RPS2: variants seen among roughly 807,000 people sequenced by gnomAD.
RPS2 encodes small ribosomal subunit protein uS5.
Under a neutral mutation model 25.3 loss-of-function variants are expected in RPS2, and 8 were observed. That is an observed-to-expected ratio of 0.32 (90% CI 0.19 to 0.57). The LOEUF (loss-of-function observed/expected upper bound fraction) is 0.57. Among genes scored for constraint, RPS2 ranks in the 20% least tolerant of loss-of-function variants. The pLI, the probability that RPS2 is intolerant of heterozygous loss-of-function variation, is 0.90. For synonymous variants in RPS2, 181 were observed against 161.3 expected (o/e 1.12, Z -0.92); for missense variants, 229 against 408.1 (o/e 0.56, Z 3.78).
Position 1,962,894 on chromosome 16 carries a change from C to T in RPS2, c.391G>A (p.Gly131Arg), listed in dbSNP as rs1165095549. ...AGACCGACGTGGCCATTGTAGTCCC[C>T]GATAGCAACAAATGCCTGCGAAAAG... ...RTRFKAFVAIGDYNGHVGLGV... is the reference protein window; with the variant it reads ...RTRFKAFVAIRDYNGHVGLGV... Residue 131 changes from glycine (G) to arginine (R), a missense_variant, in exon 5 of 7, where the codon GGG becomes AGG. Gly to Arg is a moderately radical substitution (Grantham distance 125, BLOSUM62 -2). Coordinates refer to ENST00000343262, the MANE Select transcript of RPS2 (RefSeq NM_002952.4). 1.9e-6 allele frequency: 3 copies of T among 1,600,838 alleles called. No homozygotes were observed. Among genetic ancestry groups the T allele is most frequent in the East Asian group, 2.2e-5 (1 of 44,840 alleles).
chr16:1,963,577 G>C (rs2083277683), intron 3 of RPS2: 2 of 358,324 alleles, frequency 5.6e-6, no homozygotes, highest in Middle Eastern at 1.0e-3. Context: ...GATCACGCCA[G>C]CCTAGGCGAT....
In RPS2 at chr16:1,964,472, C is replaced by G; in HGVS notation, c.154G>C (p.Gly52Arg). The G allele has an allele frequency of 2.5e-6, 4 of 1,609,514 alleles. No individual in the cohort carries two copies. The highest frequency in any genetic ancestry group is 3.4e-6 in the Non-Finnish European group (4 of 1,178,920). Residue 52 changes from glycine (G) to arginine (R), a missense_variant, in exon 2 of 7, where the codon GGA becomes CGA. This residue lies in a region of RPS2 where 70 missense variants were observed against 119.0 expected (regional missense o/e 0.59). Coordinates refer to ENST00000343262, the MANE Select transcript of RPS2 (RefSeq NM_002952.4). ...ACCTCCTTATCCTCGGCCTTGCCTC[C>G]GCGAGCTCCGCGGCCTCGGCCCCGG... The part of the protein sequence containing the change: ...RGRGRGRGAR[G>R]GKAEDKEWMP...
rs146628993 is a variant in RPS2 at position 1,962,895 on chromosome 16, G to A, written c.390C>T (p.Ile130=). 1.4e-5 allele frequency: 23 copies of A among 1,600,796 alleles called. No homozygotes were observed. Among genetic ancestry groups the A allele is most frequent in the African/African-American group, 4.0e-5 (3 of 75,024 alleles). ...GACCGACGTGGCCATTGTAGTCCCCGATAGCAACAAATGCCTGCGAAAAGA... is the reference window on the plus strand; with the variant it reads ...GACCGACGTGGCCATTGTAGTCCCCAATAGCAACAAATGCCTGCGAAAAGA... ...QRTRFKAFVA[I]GDYNGHVGLG... Residue 130 remains isoleucine (I), a synonymous_variant, in exon 5 of 7, where the codon ATC becomes ATT. Coordinates refer to ENST00000343262, the MANE Select transcript of RPS2 (RefSeq NM_002952.4).
At chr16:1,963,690 T>C in intron 3 of RPS2, 1 of 403,118 alleles carries the variant, frequency 2.5e-6, no homozygotes, top group South Asian at 1.7e-5. Flanking sequence ...GTTTCGTTTT[T>C]GGAAGCTTGT....
intron 3 of RPS2, 104 bp downstream of exon 3, chr16:1,964,172 G>C (rs753041277): frequency 1.2e-4 from 104 of 852,336 alleles, no homozygotes; most frequent in Non-Finnish European, 1.9e-4. Context: ...CACGCGAGAC[G>C]CTGGGCCCTT....
chr16:1,963,101 G>T (rs765852789), intron 4 of RPS2, 48 bp downstream of exon 4: 5 of 1,474,404 alleles, frequency 3.4e-6, no homozygotes, highest in Admixed American at 3.3e-5. Context: ...GCAGAGCCGA[G>T]AGAGTCCCGG....
intron 4 of RPS2, 23 bp from the exon 5 acceptor site, chr16:1,962,932 C>T: frequency 6.3e-7 from 1 of 1,597,396 alleles, no homozygotes; most frequent in Non-Finnish European, 8.5e-7. Flanking sequence ...GTGTGTGAGG[C>T]AGCTGGTGGC....
chr16:1,964,820 AAAG>A lies in RPS2; in HGVS notation c.-20_-18del, dbSNP rs1189197866. 5.6e-6 allele frequency: 3 copies of A among 536,928 alleles called. No homozygotes were observed. Among genetic ancestry groups the A allele is most frequent in the Non-Finnish European group, 9.7e-6 (3 of 308,962 alleles). 33.3% of individuals were successfully genotyped at this position (536,928 alleles called of 1,614,324 possible). A position where few individuals can be genotyped will look rare whatever the true frequency, so the allele number is the denominator to read the frequency against. On this transcript the variant is annotated 5_prime_UTR_variant, in exon 1 of 7. Coordinates refer to ENST00000343262, the MANE Select transcript of RPS2 (RefSeq NM_002952.4). ...AACAGGACTCACGTGTTTTGTCGGA[AAAG>A]AAGAACGAGACCTACTGGGAAGCAG... is the stretch of plus-strand genomic sequence containing the variant.
Position 1,962,853 on chromosome 16 carries a change from G to A in RPS2, c.432C>T (p.Ser144=), listed in dbSNP as rs746594185. The change falls in exon 5 of 7, where the codon TCC becomes TCT. Residue 144 remains serine, a synonymous_variant. Transcript: ENST00000343262. ...CACGGATGGCGGTGGCCACCTCCTT[G>A]GAGCACTTAACACCCAGACCGACGT... The part of the protein sequence containing the change: ...NGHVGLGVKC[S]KEVATAIRGA... The A allele has an allele frequency of 4.9e-5, 78 of 1,604,930 alleles. No individual in the cohort carries two copies. Among genetic ancestry groups the A allele is most frequent in the Non-Finnish European group, 6.5e-5 (77 of 1,179,598 alleles).
In RPS2 at chr16:1,962,072, C is replaced by A. The variant is rs1272299317; in HGVS notation, c.*26G>T. ...GAAAAAAACAGTAACACGCTTAATTCACTTTATTTTTCTTGTATAAAAACC... is the reference window on the plus strand; with the variant it reads ...GAAAAAAACAGTAACACGCTTAATTAACTTTATTTTTCTTGTATAAAAACC... On this transcript the variant is annotated 3_prime_UTR_variant, in exon 7 of 7. Transcript: ENST00000343262. 6 of 1,526,076 alleles carry A rather than the reference C, an allele frequency of 3.9e-6. No individual in the cohort carries two copies. In the African/African-American group the frequency reaches 7.0e-5, roughly 18 times the overall value. 94.5% of individuals were successfully genotyped at this position (1,526,076 alleles called of 1,614,324 possible). A position where few individuals can be genotyped will look rare whatever the true frequency, so the allele number is the denominator to read the frequency against.
intron 3 of RPS2, chr16:1,963,694 A>T: frequency 2.5e-6 from 1 of 402,996 alleles, no homozygotes; most frequent in Non-Finnish European, 5.0e-6. Flanking sequence ...CGTTTTTGGA[A>T]GCTTGTATGT....
chr16:1,962,951 C>T lies in RPS2; in HGVS notation c.376-42G>A, dbSNP rs372795573. ...GTGAGGCAGCTGGTGGCCCTACACC[C>T]AATCACTGCCCACCGCCCAGGGCCT... On this transcript the variant is annotated intron_variant, in intron 4 of 6. Coordinates refer to ENST00000343262, the MANE Select transcript of RPS2 (RefSeq NM_002952.4). 5 of 1,590,862 alleles carry T rather than the reference C, an allele frequency of 3.1e-6. No individual in the cohort carries two copies. In the South Asian group the frequency reaches 3.3e-5, roughly 11 times the overall value.
At chr16:1,963,402 G>A (rs114553579) in intron 3 of RPS2, 146 bp from the exon 4 acceptor site, 16,953 of 599,504 alleles carry the variant, frequency 0.028, 374 homozygotes, top group African/African-American at 0.078. Context: ...CGGATCACAA[G>A]GTCAGGAGTC....
At chr16:1,963,281 G>A (rs773051298) in intron 3 of RPS2, 25 bp from the exon 4 acceptor site, 15 of 1,418,538 alleles carry the variant, frequency 1.1e-5, no homozygotes, top group South Asian at 2.5e-5. Context: ...AAAATTGTAG[G>A]GAGAGCATTA....
chr16:1,962,321 C>G (rs2083263705), intron 6 of RPS2, 51 bp from the exon 7 acceptor site: 1 of 1,546,510 alleles, frequency 6.5e-7, no homozygotes, highest in East Asian at 2.2e-5. Context: ...TGAGGCAAGT[C>G]CCCCAACCCA....
chr16:1,963,301 T>C (rs1448285063), intron 3 of RPS2, 45 bp from the exon 4 acceptor site: 2 of 1,245,352 alleles, frequency 1.6e-6, no homozygotes, highest in Non-Finnish European at 2.2e-6. Context: ...AAAAAAAAAC[T>C]TAATACCATT....
chr16:1,964,650 A>G (rs1442362684), intron 1 of RPS2, 22 bp from the exon 2 acceptor site: 6 of 1,285,088 alleles, frequency 4.7e-6, no homozygotes, highest in Non-Finnish European at 6.4e-6. Context: ...GACAAGAAGG[A>G]ACTAGTCAGT....
intron 3 of RPS2, chr16:1,964,061 G>A: frequency 1.7e-6 from 1 of 579,544 alleles, no homozygotes; most frequent in South Asian, 2.1e-5. Context: ...GTGGGAAGAT[G>A]CGCTGAAATG....
chr16:1,963,666 G>C (rs913102765), intron 3 of RPS2: 4 of 365,624 alleles, frequency 1.1e-5, no homozygotes, highest in East Asian at 7.7e-5. Flanking sequence ...GCTTCCCCCC[G>C]ATCTGTCCCC....
Sources: allele counts gnomAD v4.1 joint callset, GRCh38; gene constraint gnomAD v4.1.1; regional missense constraint gnomAD v4.1.1; transcripts MANE v1.5; gene names NCBI Gene and HGNC (gene_info 2026-07-23, HGNC 2026-07-21).